SOX6: variants seen among roughly 807,000 people sequenced by gnomAD.
The protein encoded by SOX6 is transcription factor SOX-6.
In SOX6, 11 loss-of-function variants were observed where a neutral mutation model predicts 97.8. The observed-to-expected ratio is 0.11, with a 90% confidence interval of 0.07 to 0.19. The LOEUF (loss-of-function observed/expected upper bound fraction) is 0.19, where lower values mean the gene tolerates loss of function less well. SOX6 is among the 10% of genes least tolerant of loss of function. The probability of loss-of-function intolerance (pLI) is 1.00; values close to 1 mark genes in which losing one functional copy is unlikely to be tolerated. For missense variants in SOX6, 810 were observed against 1,039.5 expected (o/e 0.78, Z 3.04); for synonymous variants, 360 against 371.4 (o/e 0.97, Z 0.35).
chr11:16,231,876 A>C (rs1204554850), intron 4 of SOX6, among the ~76,000 whole-genome samples: 1 of 151,812 alleles, frequency 6.6e-6, no homozygotes, highest in African/African-American at 2.4e-5. Context: ...AATAGATTAC[A>C]AAAAAATTAT....
At chr11:16,563,210 T>C (rs1847835330) in intron 4 of SOX6, among the ~76,000 whole-genome samples, 1 of 151,516 alleles carries the variant, frequency 6.6e-6, no homozygotes, top group Admixed American at 6.6e-5. Context: ...AGCAGAGAAG[T>C]AGAAAACATA....
chr11:16,733,592 G>C (rs1487000582), intron 2 of SOX6, among the ~76,000 whole-genome samples: 1 of 150,726 alleles, frequency 6.6e-6, no homozygotes, highest in Non-Finnish European at 1.5e-5. Context: ...TGGGGGGCTA[G>C]GGGAGGGATA....
At chr11:16,281,339 G>C (rs547718219) in intron 3 of SOX6, among the ~76,000 whole-genome samples, 4 of 151,986 alleles carry the variant, frequency 2.6e-5, no homozygotes, top group Non-Finnish European at 5.9e-5. Flanking sequence ...ACCCCAAAAT[G>C]CTATGTCAAA....
intron 12 of SOX6, among the ~76,000 whole-genome samples, chr11:16,042,023 A>G (rs1855682119): frequency 6.6e-6 from 1 of 152,190 alleles, no homozygotes; most frequent in South Asian, 2.1e-4. Context: ...ATATTAATTG[A>G]GCATCTTCTG....
intron 4 of SOX6, among the ~76,000 whole-genome samples, chr11:16,206,482 T>C (rs537918248): frequency 1.3e-5 from 2 of 152,338 alleles, no homozygotes; most frequent in African/African-American, 4.8e-5. Flanking sequence ...GTTTAAGAGC[T>C]TGGGTTCTGG....
intron 3 of SOX6, among the ~76,000 whole-genome samples, chr11:16,261,248 A>G (rs535291615): frequency 5.3e-5 from 8 of 152,302 alleles, no homozygotes; most frequent in Non-Finnish European, 1.2e-4. Context: ...CATATGGTAG[A>G]CACTAAACAA....
At chr11:16,601,165 T>G (rs765555250) in intron 4 of SOX6, among the ~76,000 whole-genome samples, 6 of 152,232 alleles carry the variant, frequency 3.9e-5, no homozygotes, top group Non-Finnish European at 8.8e-5. Flanking sequence ...TAATAAAATC[T>G]GTTATCATTA....
chr11:16,120,561 C>T (rs912458572), intron 6 of SOX6, among the ~76,000 whole-genome samples: 19 of 145,044 alleles, frequency 1.3e-4, no homozygotes, highest in Non-Finnish European at 2.0e-4. Context: ...GCTAACTTCA[C>T]ATATATATAT....
intron 2 of SOX6, among the ~76,000 whole-genome samples, chr11:16,336,575 TTC>T (rs1402336617): frequency 2.6e-5 from 4 of 152,148 alleles, no homozygotes; most frequent in African/African-American, 9.7e-5. Context: ...GTTTCTGATG[TTC>T]TCTCTCACAG....
At chr11:16,521,352 C>T (rs1861054778) in intron 4 of SOX6, among the ~76,000 whole-genome samples, 1 of 152,210 alleles carries the variant, frequency 6.6e-6, no homozygotes, top group Non-Finnish European at 1.5e-5. Context: ...GCCACCACTG[C>T]TGATACCCAG....
At chr11:16,387,107 G>A (rs1421225538) in intron 1 of SOX6, among the ~76,000 whole-genome samples, 1 of 152,086 alleles carries the variant, frequency 6.6e-6, no homozygotes, top group Non-Finnish European at 1.5e-5. Context: ...GATCATCATT[G>A]CTCAGTGGTT....
intron 3 of SOX6, among the ~76,000 whole-genome samples, chr11:16,248,070 A>G (rs1853392592): frequency 6.6e-6 from 1 of 152,348 alleles, no homozygotes; most frequent in African/African-American, 2.4e-5. Flanking sequence ...CTGAAATCCA[A>G]TAAGGCAGTC....
At chr11:16,509,963 T>C (rs922468035) in intron 4 of SOX6, among the ~76,000 whole-genome samples, 1 of 152,100 alleles carries the variant, frequency 6.6e-6, no homozygotes, top group Non-Finnish European at 1.5e-5. Context: ...AATCTAACTT[T>C]ATCGTGGCTT....
At chr11:16,565,351 T>G (rs1413649971) in intron 4 of SOX6, among the ~76,000 whole-genome samples, 4 of 152,124 alleles carry the variant, frequency 2.6e-5, no homozygotes, top group Non-Finnish European at 5.9e-5. Flanking sequence ...CAGGCCCAAA[T>G]GTCTACCAAA....
chr11:16,023,456 C>T (rs1855127306), intron 12 of SOX6, among the ~76,000 whole-genome samples: 2 of 151,934 alleles, frequency 1.3e-5, no homozygotes, highest in South Asian at 4.2e-4. Context: ...ATTTTCAGAT[C>T]CTATTTAAAG....
intron 13 of SOX6, among the ~76,000 whole-genome samples, chr11:16,013,877 T>A (rs933477314): frequency 1.3e-5 from 2 of 151,976 alleles, no homozygotes; most frequent in Non-Finnish European, 2.9e-5. Context: ...CATGCCCAGT[T>A]TAGATGCTGC....
At chr11:16,543,684 G>T (rs2133179394) in intron 4 of SOX6, among the ~76,000 whole-genome samples, 1 of 152,292 alleles carries the variant, frequency 6.6e-6, no homozygotes, top group African/African-American at 2.4e-5. Context: ...GCAAGCACAT[G>T]AAAAGATGCT....
At chr11:16,273,211 A>G (rs1722929645) in intron 3 of SOX6, among the ~76,000 whole-genome samples, 1 of 151,992 alleles carries the variant, frequency 6.6e-6, no homozygotes. Context: ...GCAACCAAGG[A>G]AAGAAATAGA....
At chr11:16,402,687 C>G (rs760520756) in intron 1 of SOX6, 1 of 1,611,134 alleles carries the variant, frequency 6.2e-7, no homozygotes, top group Admixed American at 1.7e-5. Flanking sequence ...TTCCTCCACC[C>G]ACTCCTGTTT....
Sources: gnomAD v4.1 joint callset for allele counts (sites outside exome capture counted in the v4.1 genomes callset) on GRCh38, gnomAD v4.1.1 for gene constraint, MANE v1.5 for transcripts, NCBI Gene and HGNC (gene_info 2026-07-23, HGNC 2026-07-21) for gene names.